PCDHGB4: variants seen among roughly 807,000 people sequenced by gnomAD.
PCDHGB4 encodes the protein protocadherin gamma subfamily B, 4, also known as protocadherin gamma-B4.
PCDHGB4 carries 38 observed loss-of-function variants against 60.5 expected under a neutral mutation model. The ratio of observed to expected loss-of-function variants is 0.63; its 90% CI spans 0.48 to 0.82. The LOEUF is 0.82. Among genes scored for constraint, PCDHGB4 ranks in the 40% least tolerant of loss-of-function variants. The pLI is 0.00. For missense variants in PCDHGB4, 1,109 were observed against 1,209.6 expected (o/e 0.92, Z 1.23); for synonymous variants, 456 against 509.7 (o/e 0.89, Z 1.42).
chr5:141,472,579 G>T (rs1172183592), intron 1 of PCDHGB4, among the ~76,000 whole-genome samples: 3 of 151,928 alleles, frequency 2.0e-5, no homozygotes, highest in Non-Finnish European at 4.4e-5. Context: ...GCATCTCATT[G>T]GTCAGAAGCT....
chr5:141,403,952 C>T, intron 1 of PCDHGB4: 1 of 1,613,684 alleles, frequency 6.2e-7, no homozygotes, highest in Non-Finnish European at 8.5e-7. Flanking sequence ...GACAAAAGTG[C>T]TCATTTCGGT....
chr5:141,448,044 C>T (rs2098559539), intron 1 of PCDHGB4, among the ~76,000 whole-genome samples: 1 of 151,942 alleles, frequency 6.6e-6, no homozygotes, highest in African/African-American at 2.4e-5. Context: ...CAAGATCATG[C>T]CATTGCTCTC....
Position 141,477,044 on chromosome 5 carries a change from C to T in PCDHGB4, c.2398-17763C>T, listed in dbSNP as rs750525889. ...CGGGATGCTGACAATCAAGGGTCGG[C>T]TGGACTTCGAGGACACCAAACTCCA... On this transcript the variant is annotated intron_variant, in intron 1 of 3. Coordinates refer to ENST00000519479, the MANE Select transcript of PCDHGB4 (RefSeq NM_003736.4). The surrounding 1 kb of genome is among the most constrained non-coding windows in gnomAD (Gnocchi z 4.9). 6.2e-7 allele frequency: 1 copy of T among 1,614,246 alleles called. No individual in the cohort carries two copies. Among genetic ancestry groups the T allele is most frequent in the Non-Finnish European group, 8.5e-7 (1 of 1,180,034 alleles).
chr5:141,473,974 C>G (rs958240236), intron 1 of PCDHGB4, among the ~76,000 whole-genome samples: 33 of 152,054 alleles, frequency 2.2e-4, no homozygotes, highest in Admixed American at 2.2e-3. Context: ...AAGTCTGAGG[C>G]GGGAGGATCC....
At chr5:141,413,858 G>A (rs751172785) in intron 1 of PCDHGB4, 28 of 1,613,140 alleles carry the variant, frequency 1.7e-5, no homozygotes, top group African/African-American at 4.0e-5. Context: ...CTCCGATCTG[G>A]CACTGTCCTT....
chr5:141,410,809 G>C, intron 1 of PCDHGB4: 1 of 292,002 alleles, frequency 3.4e-6, no homozygotes, highest in Admixed American at 5.8e-5. Flanking sequence ...CTATCTTTTT[G>C]TAAAATAATG....
intron 1 of PCDHGB4, among the ~76,000 whole-genome samples, chr5:141,437,156 G>A (rs2097864365): frequency 6.6e-6 from 1 of 152,172 alleles, no homozygotes. Flanking sequence ...TAACATATGT[G>A]TTGATTGTTT....
intron 1 of PCDHGB4, among the ~76,000 whole-genome samples, chr5:141,461,151 C>A (rs1424467673): frequency 6.6e-6 from 1 of 152,022 alleles, no homozygotes; most frequent in African/African-American, 2.4e-5. Context: ...TGGGTAGATA[C>A]CCAATAGTGG....
chr5:141,398,668 A>G, intron 1 of PCDHGB4: 1 of 1,614,026 alleles, frequency 6.2e-7, no homozygotes, highest in Non-Finnish European at 8.5e-7. Context: ...TTTCTCATTA[A>G]TAATTAAGGA....
At chr5:141,453,475 A>C (rs2098766452) in intron 1 of PCDHGB4, among the ~76,000 whole-genome samples, 1 of 151,996 alleles carries the variant, frequency 6.6e-6, no homozygotes, top group Non-Finnish European at 1.5e-5. Context: ...ATAAAGTCAA[A>C]ACTATTAAAA....
intron 1 of PCDHGB4, chr5:141,415,752 T>C: frequency 7.3e-7 from 1 of 1,372,622 alleles, no homozygotes; most frequent in Non-Finnish European, 9.4e-7. Flanking sequence ...TTTTTTTTTT[T>C]TTTTTTTTTT....
chr5:141,392,931 G>T, intron 1 of PCDHGB4: 1 of 1,613,920 alleles, frequency 6.2e-7, no homozygotes, highest in Non-Finnish European at 8.5e-7. Context: ...AGAAGAGACG[G>T]ACAAAGGCTC....
intron 1 of PCDHGB4, among the ~76,000 whole-genome samples, chr5:141,445,961 G>C (rs944876169): frequency 6.6e-6 from 1 of 152,158 alleles, no homozygotes; most frequent in Non-Finnish European, 1.5e-5. Flanking sequence ...GCTATATGGA[G>C]AATTGATTTA....
chr5:141,435,467 G>A (rs1019246812), intron 1 of PCDHGB4, among the ~76,000 whole-genome samples: 3 of 152,146 alleles, frequency 2.0e-5, no homozygotes, highest in Non-Finnish European at 2.9e-5. Context: ...GTGTTTCCAA[G>A]TTAGACATTT....
chr5:141,421,409 C>T, intron 1 of PCDHGB4: 1 of 1,614,026 alleles, frequency 6.2e-7, no homozygotes, highest in Non-Finnish European at 8.5e-7. Context: ...CGGGAGCTGG[C>T]GAAGCGCGGA....
At chr5:141,398,955 A>G in intron 1 of PCDHGB4, 6 of 1,613,966 alleles carry the variant, frequency 3.7e-6, no homozygotes, top group Non-Finnish European at 5.1e-6. Context: ...TCAACTCAGA[A>G]ATTACTTATT....
At chr5:141,449,369 G>A (rs561017816) in intron 1 of PCDHGB4, among the ~76,000 whole-genome samples, 4 of 152,068 alleles carry the variant, frequency 2.6e-5, no homozygotes, top group South Asian at 4.2e-4. Flanking sequence ...CACTTTGGGA[G>A]GCTGAGGCAG....
rs1488305057 is a variant in PCDHGB4, at chr5:141,477,736, C to G, written c.2398-17071C>G. 6.2e-7 allele frequency: 1 copy of G among 1,613,790 alleles called. No homozygotes were observed. The highest frequency in any genetic ancestry group is 1.1e-5 in the South Asian group (1 of 91,088). On this transcript the variant is annotated intron_variant, in intron 1 of 3. Coordinates refer to ENST00000519479, the MANE Select transcript of PCDHGB4 (RefSeq NM_003736.4). This position sits in a 1 kb window ranked among gnomAD's most constrained non-coding sequence, Gnocchi z 4.9. ...AATTTGAATTAACAGCTCATATCAG[C>G]GATGGGGGCACCCCGGTCCTAGCCA...
rs776632782 is a variant in PCDHGB4, at chr5:141,415,681, A to G, written c.2397+25400A>G. 6.3e-5 allele frequency: 95 copies of G among 1,518,728 alleles called. 2 individuals are homozygous for G. In the Middle Eastern group the frequency reaches 2.1e-3, roughly 34 times the overall value. 94.1% of individuals were successfully genotyped at this position (1,518,728 alleles called of 1,614,324 possible). A position where few individuals can be genotyped will look rare whatever the true frequency, so the allele number is the denominator to read the frequency against. Reference sequence around the variant, plus strand: ...TGGTTTTTACTTTGAAGTTTGCGGCATGATGGTGGAAAGTGTAAATGCTAA... The same window carrying G: ...TGGTTTTTACTTTGAAGTTTGCGGCGTGATGGTGGAAAGTGTAAATGCTAA... On this transcript the variant is annotated intron_variant, in intron 1 of 3. Transcript: ENST00000519479.
Sources: allele counts gnomAD v4.1 joint callset (sites outside exome capture counted in the v4.1 genomes callset), GRCh38; gene constraint gnomAD v4.1.1; non-coding constraint Gnocchi (gnomAD v3.1); transcripts MANE v1.5; gene names NCBI Gene and HGNC (gene_info 2026-07-23, HGNC 2026-07-21).